Variants in PSMG2 observed in about 807,000 individuals in gnomAD.
PSMG2 encodes CD40 ligand-activated specific transcript 3.
PSMG2 carries 21 observed loss-of-function variants against 31.5 expected under a neutral mutation model. The ratio of observed to expected loss-of-function variants is 0.67; its 90% CI spans 0.47 to 0.96. The LOEUF (loss-of-function observed/expected upper bound fraction) is 0.96, where lower values mean the gene tolerates loss of function less well. Ranked by LOEUF, PSMG2 falls within the 40% of genes least tolerant of loss-of-function variation. PSMG2 has a pLI of 0.00. For missense variants in PSMG2, 318 were observed against 321.2 expected (o/e 0.99, Z 0.08); for synonymous variants, 120 against 110.4 (o/e 1.09, Z -0.54).
chr18:12,724,894 A>G (rs977049828), intron 6 of PSMG2: 1 of 400,540 alleles, frequency 2.5e-6, no homozygotes, highest in Admixed American at 4.3e-5. Flanking sequence ...TATGCCAGAC[A>G]TAGTCTTGCA....
chr18:12,698,652 T>C (rs941864614), upstream of PSMG2: 1 of 208,616 alleles, frequency 4.8e-6, no homozygotes, highest in African/African-American at 2.3e-5. Flanking sequence ...TTATATTTTA[T>C]AAATGAGAAG....
chr18:12,689,755 G>A (rs990326278), intron 1 of PSMG2, among the ~76,000 whole-genome samples: 10 of 151,378 alleles, frequency 6.6e-5, no homozygotes, highest in Non-Finnish European at 8.9e-5. Flanking sequence ...TAGACAGCAG[G>A]GAGCCAGTTT....
At chr18:12,673,228 C>A in intron 1 of PSMG2, 1 of 1,405,412 alleles carries the variant, frequency 7.1e-7, no homozygotes. Context: ...CATTACCAGT[C>A]AAGTATATAC....
In PSMG2 at chr18:12,681,255, CA is replaced by C. The variant is rs1436098378; in HGVS notation, c.-37+22483del. ...ACACAACACAGAAAGAAAAGTAGAA[CA>C]TTTTTTTTTTTTTTTTTTTTTGAGA... On this transcript the variant is annotated intron_variant, in intron 1 of 6. Coordinates refer to the PSMG2 transcript ENST00000585331. 5.9e-3 allele frequency among the ~76,000 whole-genome samples: 673 copies of C among 114,854 alleles called. 9 individuals are homozygous for C. Among genetic ancestry groups the C allele is most frequent in the African/African-American group, 0.021 (630 of 30,714 alleles). 75.3% of individuals were successfully genotyped at this position (114,854 alleles called of 152,430 possible).
intron 1 of PSMG2, among the ~76,000 whole-genome samples, chr18:12,671,654 T>TC (rs1342178153): frequency 1.5e-4 from 22 of 142,156 alleles, no homozygotes; most frequent in Non-Finnish European, 4.6e-5. Flanking sequence ...TTTTTTTTTT[T>TC]TTTTTTTTTT....
intron 1 of PSMG2, among the ~76,000 whole-genome samples, chr18:12,660,019 C>T (rs1195936095): frequency 6.6e-6 from 1 of 152,180 alleles, no homozygotes; most frequent in Non-Finnish European, 1.5e-5. Flanking sequence ...TGAAGGTCTA[C>T]TTTTATGGAC....
In PSMG2 at chr18:12,713,545, C is replaced by T. The variant is rs567228828; in HGVS notation, c.288+785C>T. The stretch of plus-strand genomic sequence containing the variant: ...CCTTGGGCATGCACAGTTATCTCCT[C>T]ATGCTAACTCATAGGGCTCATGTGC... On this transcript the variant is annotated intron_variant, in intron 3 of 6. Coordinates refer to ENST00000317615, the MANE Select transcript of PSMG2 (RefSeq NM_020232.5). Among the ~76,000 whole-genome samples, 5 of 152,274 alleles carry T rather than the reference C, an allele frequency of 3.3e-5. No individual in the cohort carries two copies. In the East Asian group the frequency reaches 9.7e-4, roughly 29 times the overall value.
Position 12,674,765 on chromosome 18 carries a change from CAA to C in PSMG2, c.-37+15993_-37+15994del, listed in dbSNP as rs111953636. ...GTGAGGCCAAGATCCTATGAGCAAT[CAA>C]GAGAAAAAGAAAAAGTGAAATACAT... On this transcript the variant is annotated intron_variant, in intron 1 of 6. Coordinates refer to the PSMG2 transcript ENST00000585331. The C allele has an allele frequency of 4.6e-4, 716 of 1,558,850 alleles. 4 individuals carry two copies. The African/African-American group carries it at 9.0e-3, about 19-fold the overall frequency.
At chr18:12,678,330 T>A (rs1311404451) in intron 1 of PSMG2, 3 of 1,614,174 alleles carry the variant, frequency 1.9e-6, no homozygotes, top group Non-Finnish European at 2.5e-6. Context: ...GGTTGACAAT[T>A]TCCCAGGAAC....
chr18:12,718,597 C>G lies in PSMG2; in HGVS notation c.369C>G (p.Ser123Arg). ...SGCARVIVLSSSHSYQRNDLQ... is the reference protein window; with the variant it reads ...SGCARVIVLSRSHSYQRNDLQ... ...GTGCCAGAGTCATTGTTCTTTCAAGCAGTCATTCATATCAGCGTAATGATC... is the reference window on the plus strand; with the variant it reads ...GTGCCAGAGTCATTGTTCTTTCAAGGAGTCATTCATATCAGCGTAATGATC... Residue 123 changes from serine (S) to arginine (R), a missense_variant, in exon 4 of 7, where the codon AGC becomes AGG. Transcript: ENST00000317615. 1.2e-6 allele frequency: 2 copies of G among 1,610,846 alleles called. No homozygotes were observed. Among genetic ancestry groups the G allele is most frequent in the Non-Finnish European group, 1.7e-6 (2 of 1,177,994 alleles).
chr18:12,695,177 T>C, intron 1 of PSMG2: 2 of 526,172 alleles, frequency 3.8e-6, no homozygotes, highest in Non-Finnish European at 6.5e-6. Flanking sequence ...AAAAATAGAG[T>C]GCTTTCTAGG....
intron 1 of PSMG2, among the ~76,000 whole-genome samples, chr18:12,680,317 C>T (rs999637834): frequency 1.3e-5 from 2 of 151,994 alleles, no homozygotes; most frequent in Non-Finnish European, 2.9e-5. Context: ...TAACTTAAGC[C>T]GGACACAGTG....
At chr18:12,659,428 G>A (rs1410685017) in intron 1 of PSMG2, among the ~76,000 whole-genome samples, 1 of 152,194 alleles carries the variant, frequency 6.6e-6, no homozygotes, top group Non-Finnish European at 1.5e-5. Flanking sequence ...AGCACTTTGG[G>A]AGGCTGAGGC....
chr18:12,677,370 A>G, intron 1 of PSMG2, among the ~76,000 whole-genome samples: 1 of 145,274 alleles, frequency 6.9e-6, no homozygotes, highest in East Asian at 2.2e-4. Context: ...CCTGGGAGGT[A>G]GAGGTTGCAG....
Position 12,724,635 on chromosome 18 carries a change from G to GCTTAAGC in PSMG2, c.702+19_702+25dup. 1 of 1,575,376 alleles carries GCTTAAGC rather than the reference G, an allele frequency of 6.3e-7. No homozygotes were observed. Among genetic ancestry groups the GCTTAAGC allele is most frequent in the Non-Finnish European group, 8.6e-7 (1 of 1,164,688 alleles). On this transcript the variant is annotated intron_variant, in intron 6 of 6. Transcript: ENST00000317615. ...CAAACCACTTGTAAGTTCTATTATA[G>GCTTAAGC]CTTAAGCCTCTTCTTTGTCTGGTTG...
upstream of PSMG2, chr18:12,702,757 A>G (rs888569509): frequency 3.4e-6 from 2 of 593,742 alleles, no homozygotes; most frequent in Non-Finnish European, 5.8e-6. Context: ...AACTGTTTTC[A>G]AACAGTGGCG....
chr18:12,712,418 C>T (rs2040340183), intron 2 of PSMG2, among the ~76,000 whole-genome samples: 1 of 152,114 alleles, frequency 6.6e-6, no homozygotes, highest in African/African-American at 2.4e-5. Flanking sequence ...CAGGGGAATA[C>T]TTCTCTGGTT....
At chr18:12,681,947 G>A (rs148210831) in intron 1 of PSMG2, among the ~76,000 whole-genome samples, 3,951 of 151,492 alleles carry the variant, frequency 0.026, 183 homozygotes, top group African/African-American at 0.09. Flanking sequence ...AGTGAGCTGA[G>A]ATCGTGCCAC....
chr18:12,674,916 CAGAT>C lies in PSMG2; in HGVS notation c.-37+16145_-37+16148del, dbSNP rs376358637. ...TATAGGGATACATAGAAATAAAAAT[CAGAT>C]AAAAGGAACTATAGGTGATCAGATT... is the stretch of plus-strand genomic sequence containing the variant. On this transcript the variant is annotated intron_variant, in intron 1 of 6. Coordinates refer to the PSMG2 transcript ENST00000585331. 8.1e-3 allele frequency among the ~76,000 whole-genome samples: 1,237 copies of C among 151,802 alleles called. 15 individuals are homozygous for C. The highest frequency in any genetic ancestry group is 0.029 in the African/African-American group (1,181 of 41,418).
Sources: allele counts gnomAD v4.1 joint callset (sites outside exome capture counted in the v4.1 genomes callset), GRCh38; gene constraint gnomAD v4.1.1; transcripts MANE v1.5; gene names NCBI Gene and HGNC (gene_info 2026-07-23, HGNC 2026-07-21).